EBF2: variants seen among roughly 807,000 people sequenced by gnomAD.
EBF2 encodes transcription factor COE2.
Under a neutral mutation model 72.8 loss-of-function variants are expected in EBF2, and 21 were observed. That is an observed-to-expected ratio of 0.29 (90% CI 0.20 to 0.42). The LOEUF (loss-of-function observed/expected upper bound fraction) is 0.42. Ranked by LOEUF, EBF2 falls within the 10% of genes least tolerant of loss-of-function variation. The pLI is 1.00. For synonymous variants in EBF2, 299 were observed against 274.2 expected (o/e 1.09, Z -0.89); for missense variants, 637 against 731.2 (o/e 0.87, Z 1.49).
chr8:26,004,178 A>G (rs1804788882), intron 6 of EBF2, among the ~76,000 whole-genome samples: 1 of 152,118 alleles, frequency 6.6e-6, no homozygotes, highest in Non-Finnish European at 1.5e-5. Flanking sequence ...TGTTGTCACC[A>G]TTGGTTCCAA....
intron 6 of EBF2, among the ~76,000 whole-genome samples, chr8:25,937,983 GA>G (rs1371897707): frequency 2.7e-4 from 41 of 151,628 alleles, no homozygotes; most frequent in East Asian, 7.7e-4. Flanking sequence ...AAAAGAAAGA[GA>G]AAAAAAGGAA....
At chr8:25,907,145 G>A (rs1414120222) in intron 7 of EBF2, among the ~76,000 whole-genome samples, 2 of 151,978 alleles carry the variant, frequency 1.3e-5, no homozygotes, top group Non-Finnish European at 2.9e-5. Context: ...AGGGTCCGAT[G>A]TGGTAGCTCA....
At chr8:25,866,921 C>T (rs977811897) in intron 10 of EBF2, among the ~76,000 whole-genome samples, 5 of 151,800 alleles carry the variant, frequency 3.3e-5, no homozygotes, top group Non-Finnish European at 5.9e-5. Flanking sequence ...CATGAGCTAC[C>T]GCGCCTGGCC....
At chr8:25,860,688 C>CT (rs770333623) in intron 13 of EBF2, among the ~76,000 whole-genome samples, 24 of 145,764 alleles carry the variant, frequency 1.6e-4, no homozygotes, top group Non-Finnish European at 2.4e-4. Flanking sequence ...CCACACCTGG[C>CT]TATTTTTTTA....
intron 6 of EBF2, among the ~76,000 whole-genome samples, chr8:25,978,481 G>A (rs1360887291): frequency 6.6e-6 from 1 of 152,210 alleles, no homozygotes; most frequent in Non-Finnish European, 1.5e-5. Flanking sequence ...GAGAGCGACC[G>A]AGATGGTCAT....
intron 10 of EBF2, 50 bp downstream of exon 10, chr8:25,886,705 G>A (rs182170287): frequency 3.4e-5 from 53 of 1,564,608 alleles, no homozygotes; most frequent in South Asian, 5.0e-5. Flanking sequence ...GGGAACTAGC[G>A]CAAAGGCAAA....
At chr8:26,032,236 T>C (rs1378471538) in intron 6 of EBF2, 2 of 152,202 alleles carry the variant, frequency 1.3e-5, no homozygotes, top group Admixed American at 6.5e-5. Flanking sequence ...CAAGCTGGCT[T>C]TCTGGGAAGA....
intron 6 of EBF2, among the ~76,000 whole-genome samples, chr8:26,006,464 G>A (rs761711621): frequency 2.5e-4 from 38 of 152,130 alleles, no homozygotes; most frequent in Non-Finnish European, 4.3e-4. Flanking sequence ...GATTGCTCAG[G>A]TCTTTGCTAT....
chr8:25,944,429 A>C (rs750581221), intron 6 of EBF2, among the ~76,000 whole-genome samples: 12 of 152,088 alleles, frequency 7.9e-5, no homozygotes, highest in Non-Finnish European at 1.6e-4. Context: ...AAGTTTTTGC[A>C]GGCAGAGGTC....
At chr8:25,958,215 C>T (rs925889915) in intron 6 of EBF2, among the ~76,000 whole-genome samples, 7 of 152,124 alleles carry the variant, frequency 4.6e-5, no homozygotes, top group African/African-American at 9.7e-5. Context: ...CCCAGAGCCT[C>T]CCAACACAAA....
At position 25,953,111 on chromosome 8, in the gene EBF2, G is replaced by T. The variant is rs1271513513; in HGVS notation, c.552-44556C>A. On this transcript the variant is annotated intron_variant, in intron 6 of 15. Transcript: ENST00000520164. Reference sequence around the variant, plus strand: ...AGCTCTAACACAGCCTGGAGTAGGGGCCCCTGTTCTGTGCCTCCATGAGAC... The same window carrying T: ...AGCTCTAACACAGCCTGGAGTAGGGTCCCCTGTTCTGTGCCTCCATGAGAC... 2.6e-5 allele frequency among the ~76,000 whole-genome samples: 4 copies of T among 152,194 alleles called. No homozygotes were observed. The East Asian group carries it at 5.8e-4, about 22-fold the overall frequency.
At chr8:25,980,560 G>A (rs1454233380) in intron 6 of EBF2, among the ~76,000 whole-genome samples, 2 of 152,100 alleles carry the variant, frequency 1.3e-5, no homozygotes, top group Non-Finnish European at 2.9e-5. Flanking sequence ...ATTCTTTACC[G>A]AATGGATCCC....
In EBF2 at chr8:26,044,563, C is replaced by G. The variant is rs377027082; in HGVS notation, c.131+166G>C. Among the ~76,000 whole-genome samples the G allele has an allele frequency of 6.6e-6, 1 of 152,206 alleles. No homozygotes were observed. Among genetic ancestry groups the G allele is most frequent in the Non-Finnish European group, 1.5e-5 (1 of 68,044 alleles). ...GGCTGCCGGGTGAGCGTTCGCCTGA[C>G]TGCAGCGATCTGCTTGCCCGAGGGC... On this transcript the variant is annotated intron_variant, in intron 1 of 15. Coordinates refer to ENST00000520164, the MANE Select transcript of EBF2 (RefSeq NM_022659.4). This position sits in a 1 kb window ranked among gnomAD's most constrained non-coding sequence, Gnocchi z 4.1.
At chr8:25,919,451 A>G (rs1236324448) in intron 6 of EBF2, among the ~76,000 whole-genome samples, 1 of 152,158 alleles carries the variant, frequency 6.6e-6, no homozygotes, top group East Asian at 1.9e-4. Context: ...AAGTCACTAT[A>G]CTATCAGTGG....
Position 25,850,747 on chromosome 8 carries a change from G to C in EBF2, c.1543C>G (p.Pro515Ala), listed in dbSNP as rs1801950324. Residue 515 changes from proline to alanine, a missense_variant, in exon 15 of 16, where the codon CCC becomes GCC. Around this residue, in one of 3 missense-constraint regions of EBF2, gnomAD observed 259 missense variants for 268.1 expected, o/e 0.97. Coordinates refer to ENST00000520164, the MANE Select transcript of EBF2 (RefSeq NM_022659.4). ...GATGTGCTGGAAGACCCAACGGTGGGACTTGATGACATGACTGGAAAGCAA... is the reference window on the plus strand; with the variant it reads ...GATGTGCTGGAAGACCCAACGGTGGCACTTGATGACATGACTGGAAAGCAA... ...GSPYGIMSSS[P>A]TVGSSSTSSI... 1.9e-6 allele frequency: 3 copies of C among 1,559,822 alleles called. No individual in the cohort carries two copies. The highest frequency in any genetic ancestry group is 2.8e-5 in the African/African-American group (2 of 70,514).
At chr8:25,924,636 AAT>A (rs1348080234) in intron 6 of EBF2, among the ~76,000 whole-genome samples, 2 of 152,222 alleles carry the variant, frequency 1.3e-5, no homozygotes, top group South Asian at 4.1e-4. Context: ...ATTTAATATC[AAT>A]AATTGCCAGA....
At chr8:25,985,597 T>A (rs755916280) in intron 6 of EBF2, among the ~76,000 whole-genome samples, 5 of 152,180 alleles carry the variant, frequency 3.3e-5, no homozygotes, top group Non-Finnish European at 5.9e-5. Context: ...ACCAGATATA[T>A]AACAAAGGTC....
At chr8:25,927,971 C>T (rs1803412868) in intron 6 of EBF2, among the ~76,000 whole-genome samples, 1 of 152,054 alleles carries the variant, frequency 6.6e-6, no homozygotes, top group African/African-American at 2.4e-5. Context: ...ATTTACTCCA[C>T]TTGATTAAAA....
At chr8:25,894,462 G>A (rs1240014319) in intron 7 of EBF2, among the ~76,000 whole-genome samples, 1 of 152,258 alleles carries the variant, frequency 6.6e-6, no homozygotes, top group Non-Finnish European at 1.5e-5. Flanking sequence ...CCCCTAGTGA[G>A]TATTTCCTGG....
Sources: gnomAD v4.1 joint callset for allele counts (sites outside exome capture counted in the v4.1 genomes callset) on GRCh38, gnomAD v4.1.1 for gene constraint, gnomAD v4.1.1 regional missense constraint, Gnocchi (gnomAD v3.1) non-coding constraint, MANE v1.5 for transcripts, NCBI Gene and HGNC (gene_info 2026-07-23, HGNC 2026-07-21) for gene names.